GCN1: variants seen among roughly 807,000 people sequenced by gnomAD.
GCN1 encodes the protein stalled ribosome sensor GCN1.
A neutral mutation model predicts 288.4 loss-of-function variants in GCN1; 90 were observed. The ratio of observed to expected loss-of-function variants is 0.31; its 90% CI spans 0.26 to 0.37. The LOEUF (loss-of-function observed/expected upper bound fraction) is 0.37, where lower values mean the gene tolerates loss of function less well. Ranked by LOEUF, GCN1 falls within the 10% of genes least tolerant of loss-of-function variation. GCN1 has a pLI of 1.00. For synonymous variants in GCN1, 1,386 were observed against 1,420.2 expected (o/e 0.98, Z 0.54); for missense variants, 2,586 against 3,419.9 (o/e 0.76, Z 6.08).
intron 26 of GCN1, 90 bp downstream of exon 26, chr12:120,157,759 C>T (rs1877796783): frequency 1.9e-6 from 2 of 1,044,532 alleles, no homozygotes; most frequent in Non-Finnish European, 1.4e-6. Context: ...ATTTCCCCAC[C>T]AGGAACTGTT....
Position 120,137,073 on chromosome 12 carries a change from G to A in GCN1, c.6777+133C>T, listed in dbSNP as rs772029382. On this transcript the variant is annotated intron_variant, in intron 50 of 57. Transcript: ENST00000300648. This position sits in a 1 kb window ranked among gnomAD's most constrained non-coding sequence, Gnocchi z 5.2. ...TGCCATGGAAGAAAACATGCTGTCT[G>A]CGAAGGTGCTGAACACCAACCACCA... 9.2e-4 allele frequency: 645 copies of A among 697,624 alleles called. No homozygotes were observed. The highest frequency in any genetic ancestry group is 1.3e-3 in the Non-Finnish European group (499 of 387,672). The allele number at this position is 697,624 out of a possible 1,614,324, so 43.2% of individuals were successfully genotyped here.
intron 22 of GCN1, 22 bp downstream of exon 22, chr12:120,161,468 G>A (rs766505367): frequency 5.0e-5 from 78 of 1,546,510 alleles, no homozygotes; most frequent in African/African-American, 4.5e-4. Context: ...GCCACCTTCC[G>A]TAAGTGCCTC....
chr12:120,153,461 G>A lies in GCN1; in HGVS notation c.3868-54C>T, dbSNP rs551554643. On this transcript the variant is annotated intron_variant, in intron 32 of 57. Transcript: ENST00000300648. The surrounding 1 kb of genome is among the most constrained non-coding windows in gnomAD (Gnocchi z 4.4). ...GGTCAACCCTACAGGCTGCATCTGG[G>A]GACAACAGTCCCTGCCCTGAGGACC... 96 of 1,502,894 alleles carry A rather than the reference G, an allele frequency of 6.4e-5. No homozygotes were observed. The African/African-American group carries it at 9.8e-4, about 15-fold the overall frequency. 93.1% of individuals were successfully genotyped at this position (1,502,894 alleles called of 1,614,324 possible). A position where few individuals can be genotyped will look rare whatever the true frequency, so the allele number is the denominator to read the frequency against.
At chr12:120,138,672 A>C in intron 46 of GCN1, 23 bp downstream of exon 46, 1 of 1,600,090 alleles carries the variant, frequency 6.2e-7, no homozygotes, top group Non-Finnish European at 8.6e-7. Context: ...ACTGGTAGGT[A>C]GGTGTGTGGT....
chr12:120,130,772 G>A lies in GCN1; in HGVS notation c.7564-19C>T, dbSNP rs201591763. ...TGGGGATCTGTGGAGAACAGACAGC[G>A]CTAGACGGGAGGCCCCCCACCCCTT... On this transcript the variant is annotated intron_variant, in intron 55 of 57. Coordinates refer to ENST00000300648, the MANE Select transcript of GCN1 (RefSeq NM_006836.2). 18 of 1,547,976 alleles carry A rather than the reference G, an allele frequency of 1.2e-5. No homozygotes were observed. The East Asian group carries it at 2.2e-4, about 19-fold the overall frequency.
chr12:120,137,849 G>A lies in GCN1; in HGVS notation c.6394-35C>T, dbSNP rs753237287. 2 of 1,612,658 alleles carry A rather than the reference G, an allele frequency of 1.2e-6. No individual in the cohort carries two copies. ...ACAAGGGACATGTGTGCTGAGCAGG[G>A]ATCCTCCGGGCAGACGGGACATGAG... On this transcript the variant is annotated intron_variant, in intron 48 of 57. Transcript: ENST00000300648. This position sits in a 1 kb window ranked among gnomAD's most constrained non-coding sequence, Gnocchi z 5.2.
intron 16 of GCN1, among the ~76,000 whole-genome samples, chr12:120,165,052 T>TATA (rs1491359098): frequency 4.2e-4 from 60 of 142,564 alleles, no homozygotes; most frequent in African/African-American, 1.6e-3. Context: ...TATATATATA[T>TATA]TTTTTTTTTT....
In GCN1 at chr12:120,168,707, G is replaced by C. The variant is rs190810172; in HGVS notation, c.1520-407C>G. On this transcript the variant is annotated intron_variant, in intron 15 of 57. Coordinates refer to ENST00000300648, the MANE Select transcript of GCN1 (RefSeq NM_006836.2). ...CCAGTTCAAATGCTTCCTCCATGAA[G>C]CCCTTCCCAATACCCACCCCCCCAA... 1.4e-3 allele frequency among the ~76,000 whole-genome samples: 212 copies of C among 152,220 alleles called. 1 individual carries two copies. Among genetic ancestry groups the C allele is most frequent in the Admixed American group, 0.013 (200 of 15,276 alleles).
chr12:120,165,016 CACACACACACACACACACACAT>C (rs1878064724), intron 16 of GCN1, among the ~76,000 whole-genome samples: 1 of 143,456 alleles, frequency 7.0e-6, no homozygotes, highest in Non-Finnish European at 1.5e-5. Flanking sequence ...CACACACACA[CACACACACACACACACACACAT>C]ATATATATAT....
chr12:120,144,357 A>G lies in GCN1; in HGVS notation c.5444T>C (p.Leu1815Pro). The G allele has an allele frequency of 6.2e-7, 1 of 1,614,240 alleles. No individual in the cohort carries two copies. Among genetic ancestry groups the G allele is most frequent in the South Asian group, 1.1e-5 (1 of 91,092 alleles). ...ISMYAETAIA[L>P]LLPQLEQGLF... ...GCCTTGCTCTAGCTGGGGCAGCAGCAGGGCGATGGCTGTCTCAGCGTACAT... is the reference window on the plus strand; with the variant it reads ...GCCTTGCTCTAGCTGGGGCAGCAGCGGGGCGATGGCTGTCTCAGCGTACAT... Residue 1815 changes from leucine (L) to proline (P), a missense_variant, in exon 42 of 58, where the codon CTG (leucine) becomes CCG (proline). Leu to Pro is a moderately conservative substitution (Grantham distance 98, BLOSUM62 -3). Coordinates refer to ENST00000300648, the MANE Select transcript of GCN1 (RefSeq NM_006836.2). This position sits in a 1 kb window ranked among gnomAD's most constrained non-coding sequence, Gnocchi z 4.7.
intron 57 of GCN1, 85 bp downstream of exon 57, chr12:120,129,191 C>A: frequency 9.6e-7 from 1 of 1,046,592 alleles, no homozygotes; most frequent in Non-Finnish European, 1.5e-6. Flanking sequence ...AGAGAAGAGC[C>A]TGTGGTTTAA....
intron 35 of GCN1, 94 bp downstream of exon 35, chr12:120,149,828 T>C: frequency 5.8e-6 from 9 of 1,554,992 alleles, no homozygotes; most frequent in Non-Finnish European, 7.1e-6. Flanking sequence ...TGGGGTTCTA[T>C]TATGTCAGAC....
In GCN1 at chr12:120,173,844, A is replaced by G; in HGVS notation, c.1193-18T>C. 1.2e-6 allele frequency: 2 copies of G among 1,603,258 alleles called. No homozygotes were observed. The highest frequency in any genetic ancestry group is 1.7e-6 in the Non-Finnish European group (2 of 1,170,484). On this transcript the variant is annotated intron_variant, in intron 13 of 57. Coordinates refer to ENST00000300648, the MANE Select transcript of GCN1 (RefSeq NM_006836.2). ...TTCATGAACTAGGGCAAAAAGCAGA[A>G]GTCCAGTCAGTCCAATGTCTTATAA...
At chr12:120,169,276 C>CAAAAAAAAAA (rs35819206) in intron 15 of GCN1, among the ~76,000 whole-genome samples, 24 of 66,610 alleles carry the variant, frequency 3.6e-4, no homozygotes, top group African/African-American at 7.3e-4. Context: ...AACTCCGTCT[C>CAAAAAAAAAA]AAAAAAAAAA....
rs1878756525 is a variant in GCN1, at chr12:120,184,369, A to G, written c.186-126T>C. The G allele has an allele frequency of 3.8e-6, 3 of 784,210 alleles. No individual in the cohort carries two copies. The African/African-American group carries it at 5.2e-5, about 14-fold the overall frequency. 48.6% of individuals were successfully genotyped at this position (784,210 alleles called of 1,614,324 possible). A position where few individuals can be genotyped will look rare whatever the true frequency, so the allele number is the denominator to read the frequency against. On this transcript the variant is annotated intron_variant, in intron 3 of 57. Coordinates refer to ENST00000300648, the MANE Select transcript of GCN1 (RefSeq NM_006836.2). ...ATCACACCATATTCCAGTGGATAAC[A>G]GAGAAGGGATTAGGAAATAACTAGA...
chr12:120,188,135 C>A (rs1319458434), intron 2 of GCN1, among the ~76,000 whole-genome samples: 1 of 152,052 alleles, frequency 6.6e-6, no homozygotes, highest in Non-Finnish European at 1.5e-5. Context: ...AAGAGGACAT[C>A]AAAAACATGA....
At chr12:120,175,301 T>C (rs1566316173) in intron 11 of GCN1, 89 bp from the exon 12 acceptor site, 4 of 1,184,680 alleles carry the variant, frequency 3.4e-6, no homozygotes, top group South Asian at 1.2e-5. Context: ...GATGCCACGA[T>C]ACGGTTTCTG....
chr12:120,175,767 G>C lies in GCN1; in HGVS notation c.1021C>G (p.His341Asp). ...TCACCTCCGAGGATAGCAAATAGGT[G>C]CTTGGTCAGGGATTCCATGGCCGAA... ...DSSAMESLTK[H>D]LFAILGGSEG... Residue 341 changes from histidine to aspartate, a missense_variant, in exon 11 of 58, where the codon CAC (histidine) becomes GAC (aspartate). By Grantham distance (81) the His-to-Asp change is moderately conservative. Transcript: ENST00000300648. 1.2e-6 allele frequency: 2 copies of C among 1,612,618 alleles called. No individual in the cohort carries two copies. The highest frequency in any genetic ancestry group is 1.7e-6 in the Non-Finnish European group (2 of 1,179,480).
intron 2 of GCN1, among the ~76,000 whole-genome samples, chr12:120,188,791 G>C (rs1878909751): frequency 6.6e-6 from 1 of 151,012 alleles, no homozygotes; most frequent in Non-Finnish European, 1.5e-5. Context: ...AGAGCGTGCA[G>C]TGAGCTGAGA....
Sources: allele counts gnomAD v4.1 joint callset (sites outside exome capture counted in the v4.1 genomes callset), GRCh38; gene constraint gnomAD v4.1.1; non-coding constraint Gnocchi (gnomAD v3.1); transcripts MANE v1.5; gene names NCBI Gene and HGNC (gene_info 2026-07-23, HGNC 2026-07-21).